WNT8A: variants seen among roughly 807,000 people sequenced by gnomAD.
WNT8A encodes the protein protein Wnt-8a.
In WNT8A, 14 loss-of-function variants were observed where a neutral mutation model predicts 20.5. The ratio of observed to expected loss-of-function variants is 0.68; its 90% CI spans 0.45 to 1.07. The LOEUF (loss-of-function observed/expected upper bound fraction) is 1.07. Among genes scored for constraint, WNT8A ranks in the 50% least tolerant of loss-of-function variants. WNT8A has a pLI of 0.00. For synonymous variants in WNT8A, 167 were observed against 169.2 expected, an observed-to-expected ratio of 0.99 and a Z score of 0.10; for missense variants, 397 against 462.9, an observed-to-expected ratio of 0.86 and a Z score of 1.31.
rs923643984 is a variant in WNT8A, at chr5:138,090,560, A to T, written c.597A>T (p.Lys199Asn). The T allele has an allele frequency of 1.2e-6, 2 of 1,614,136 alleles. No homozygotes were observed. Among genetic ancestry groups the T allele is most frequent in the Non-Finnish European group, 1.7e-6 (2 of 1,180,004 alleles). The change falls in exon 5 of 5, where the codon AAA (lysine) becomes AAT (asparagine). Residue 199 changes from lysine to asparagine, a missense_variant. Transcript: ENST00000506684. ...AVRATMKRTC[K>N]CHGISGSCSI... is the part of the protein sequence containing the mutation. ...GAGCCACCATGAAAAGGACATGCAA[A>T]TGTCATGGCATCTCTGGGAGCTGCA...
intron 4 of WNT8A, among the ~76,000 whole-genome samples, chr5:138,089,664 G>A (rs1392341255): frequency 6.6e-6 from 1 of 152,138 alleles, no homozygotes. Flanking sequence ...GGGGTTTTTG[G>A]GCTTGGGGTT....
chr5:138,084,938 T>A (rs1306581373), intron 2 of WNT8A, among the ~76,000 whole-genome samples: 1 of 152,164 alleles, frequency 6.6e-6, no homozygotes. Flanking sequence ...ATTACTCTTT[T>A]TTTTTTTTCT....
Position 138,089,021 on chromosome 5 carries a change from G to T in WNT8A, c.516G>T (p.Lys172Asn), listed in dbSNP as rs1750762584. 2 of 1,613,842 alleles carry T rather than the reference G, an allele frequency of 1.2e-6. No individual in the cohort carries two copies. The highest frequency in any genetic ancestry group is 1.7e-5 in the Admixed American group (1 of 60,020). Residue 172 changes from lysine to asparagine, a missense_variant, in exon 4 of 5, where the codon AAG (lysine) becomes AAT (asparagine). Transcript: ENST00000506684. Reference sequence around the variant, plus strand: ...TTGTGGACAGTTTGGAGAAGGGGAAGGATGCCAGAGCCCTGATGAATCTTC... The same window carrying T: ...TTGTGGACAGTTTGGAGAAGGGGAATGATGCCAGAGCCCTGATGAATCTTC... ...KLFVDSLEKGKDARALMNLHN... is the reference protein window; with the variant it reads ...KLFVDSLEKGNDARALMNLHN...
At chr5:138,091,705 A>G (rs1317356730), downstream of WNT8A, among the ~76,000 whole-genome samples, 2 of 152,140 alleles carry the variant, frequency 1.3e-5, no homozygotes, top group African/African-American at 2.4e-5. Context: ...ACTTGCCTGT[A>G]GTCCTAGATA....
Position 138,089,022 on chromosome 5 carries a change from G to A in WNT8A, c.517G>A (p.Asp173Asn), listed in dbSNP as rs993286955. 4 of 1,613,826 alleles carry A rather than the reference G, an allele frequency of 2.5e-6. No individual in the cohort carries two copies. Among genetic ancestry groups the A allele is most frequent in the Non-Finnish European group, 3.4e-6 (4 of 1,180,026 alleles). ...TGTGGACAGTTTGGAGAAGGGGAAGGATGCCAGAGCCCTGATGAATCTTCA... is the reference window on the plus strand; with the variant it reads ...TGTGGACAGTTTGGAGAAGGGGAAGAATGCCAGAGCCCTGATGAATCTTCA... ...LFVDSLEKGKDARALMNLHNN... is the reference protein window; with the variant it reads ...LFVDSLEKGKNARALMNLHNN... The change falls in exon 4 of 5, where the codon GAT becomes AAT. Residue 173 changes from aspartate to asparagine, a missense_variant. Asp to Asn is a conservative substitution (Grantham distance 23). Transcript: ENST00000506684.
intron 2 of WNT8A, among the ~76,000 whole-genome samples, chr5:138,085,719 T>C (rs981149176): frequency 6.6e-6 from 1 of 151,776 alleles, no homozygotes; most frequent in Non-Finnish European, 1.5e-5. Flanking sequence ...GCCGGCATGG[T>C]AGCATGTGCC....
In WNT8A at chr5:138,091,059, A is replaced by G. The variant is rs1198385208; in HGVS notation, c.1096A>G (p.Lys366Glu). The change falls in exon 5 of 5, where the codon AAG becomes GAG. Residue 366 changes from lysine (K) to glutamate (E), a missense_variant. By Grantham distance (56) the Lys-to-Glu change is moderately conservative. Transcript: ENST00000506684. Reference sequence around the variant, plus strand: ...CCCAGGCAGTGCCCAGTCCCTGGGTAAGGGCAGTGCCTGATAATACCCCAC... The same window carrying G: ...CCCAGGCAGTGCCCAGTCCCTGGGTGAGGGCAGTGCCTGATAATACCCCAC... ...RSPGSAQSLG[K>E]GSA The G allele has an allele frequency of 6.2e-7, 1 of 1,611,898 alleles. No individual in the cohort carries two copies.
At chr5:138,077,552 T>C in the WNT8A span, among the ~76,000 whole-genome samples, 1 of 152,088 alleles carries the variant, frequency 6.6e-6, no homozygotes, top group East Asian at 1.9e-4. Flanking sequence ...ACTAGTAAAA[T>C]CCTACAACCA....
At chr5:138,077,921 A>T in the WNT8A span, among the ~76,000 whole-genome samples, 1 of 152,268 alleles carries the variant, frequency 6.6e-6, no homozygotes, top group South Asian at 2.1e-4. Flanking sequence ...CATGGCTTTC[A>T]GACTGATCCC....
intron 3 of WNT8A, 52 bp downstream of exon 3, chr5:138,087,983 G>T (rs2151146885): frequency 6.2e-7 from 1 of 1,605,390 alleles, no homozygotes; most frequent in African/African-American, 1.3e-5. Context: ...CTACAGAGCT[G>T]AGTGCAGACT....
rs1423674655 is a variant in WNT8A, at chr5:138,087,863, T to C, written c.353T>C (p.Ile118Thr). The C allele has an allele frequency of 2.5e-6, 4 of 1,614,036 alleles. No homozygotes were observed. Among genetic ancestry groups the C allele is most frequent in the Non-Finnish European group, 3.4e-6 (4 of 1,179,966 alleles). Reference sequence around the variant, plus strand: ...AGCTCTGCTGGAGTCATGTACATCATCACCAAGAACTGTAGCATGGGTGAC... The same window carrying C: ...AGCTCTGCTGGAGTCATGTACATCACCACCAAGAACTGTAGCATGGGTGAC... Reference protein sequence around the residue: ...AISSAGVMYIITKNCSMGDFE... With the variant: ...AISSAGVMYITTKNCSMGDFE... Residue 118 changes from isoleucine to threonine, a missense_variant, in exon 3 of 5, where the codon ATC becomes ACC. Ile to Thr is a moderately conservative substitution (Grantham distance 89). Transcript: ENST00000506684.
chr5:138,089,215 C>A, intron 4 of WNT8A, 146 bp downstream of exon 4: 1 of 1,261,112 alleles, frequency 7.9e-7, no homozygotes, highest in Non-Finnish European at 1.1e-6. Flanking sequence ...ATGACAAAAC[C>A]AATTAAATCT....
chr5:138,079,865 T>C (rs2151141944), upstream of WNT8A, among the ~76,000 whole-genome samples: 1 of 152,346 alleles, frequency 6.6e-6, no homozygotes, highest in South Asian at 2.1e-4. Context: ...TGCCTCTCAC[T>C]ATTCTCTCCA....
upstream of WNT8A, among the ~76,000 whole-genome samples, chr5:138,080,264 T>C (rs1273085820): frequency 1.3e-5 from 2 of 148,360 alleles, no homozygotes; most frequent in Non-Finnish European, 3.0e-5. Context: ...GCAGAGGTTG[T>C]GGTGAGCTGA....
Position 138,087,909 on chromosome 5 carries a change from TG to T in WNT8A, c.402del (p.Ser135GlnfsTer43). ...GTGACTTCGAAAACTGTGGCTGTGA[TG>T]GGTCAAACAATGGAAAAACAGGTAA... is the stretch of plus-strand genomic sequence containing the variant. ...MGDFENCGCD[G>X]SNNGKTGGHG... is the part of the protein sequence containing the mutation. On this transcript the variant is annotated frameshift_variant, in exon 3 of 5. Transcript: ENST00000506684. LOFTEE classifies it high-confidence loss of function. 1 of 1,613,882 alleles carries T rather than the reference TG, an allele frequency of 6.2e-7. No individual in the cohort carries two copies. Among genetic ancestry groups the T allele is most frequent in the Non-Finnish European group, 8.5e-7 (1 of 1,179,876 alleles).
In WNT8A at chr5:138,084,034, T is replaced by C. The variant is rs1245465781; in HGVS notation, c.-94T>C. 1 of 1,550,718 alleles carries C rather than the reference T, an allele frequency of 6.4e-7. No homozygotes were observed. The highest frequency in any genetic ancestry group is 2.3e-5 in the East Asian group (1 of 44,218). On this transcript the variant is annotated 5_prime_UTR_variant, in exon 1 of 5. Coordinates refer to ENST00000506684, the MANE Select transcript of WNT8A (RefSeq NM_001300939.2). ...TACTGAGGAAGACCCTGCCCTCTCC[T>C]CACTTCTCTGGACTTGGCCCTGAGC...
chr5:138,084,256 G>A lies in WNT8A; in HGVS notation c.129G>A (p.Val43=). Residue 43 remains valine, a synonymous_variant, in exon 1 of 5, where the codon GTG becomes GTA. Transcript: ENST00000506684. ...CLTFSLFGRS[V]NNFLITGPKA... ...CTTTTTCTCTTTTTGGTAGGTCAGT[G>A]AACAATTTCCTGATAACAGGTCCCA... 1.9e-6 allele frequency: 3 copies of A among 1,614,126 alleles called. No homozygotes were observed. Among genetic ancestry groups the A allele is most frequent in the Non-Finnish European group, 2.5e-6 (3 of 1,180,030 alleles).
chr5:138,084,433 C>T lies in WNT8A; in HGVS notation c.157-65C>T, dbSNP rs886836996. On this transcript the variant is annotated intron_variant, in intron 1 of 4. Coordinates refer to ENST00000506684, the MANE Select transcript of WNT8A (RefSeq NM_001300939.2). Reference sequence around the variant, plus strand: ...GGAGAGCTGGCCCATCTGAGTCCTGCCTGCTCCCCCAACCACAGATGACCC... The same window carrying T: ...GGAGAGCTGGCCCATCTGAGTCCTGTCTGCTCCCCCAACCACAGATGACCC... The T allele has an allele frequency of 7.1e-6, 11 of 1,553,026 alleles. No individual in the cohort carries two copies. In the African/African-American group the frequency reaches 1.4e-4, roughly 19 times the overall value.
At chr5:138,084,799 C>T (rs1750607685) in intron 2 of WNT8A, among the ~76,000 whole-genome samples, 163 bp downstream of exon 2, 1 of 152,188 alleles carries the variant, frequency 6.6e-6, no homozygotes, top group African/African-American at 2.4e-5. Flanking sequence ...AGTAAATTAC[C>T]TACCCTCTCT....
Sources: allele counts gnomAD v4.1 joint callset (sites outside exome capture counted in the v4.1 genomes callset), GRCh38; gene constraint gnomAD v4.1.1; transcripts MANE v1.5; gene names NCBI Gene and HGNC (gene_info 2026-07-23, HGNC 2026-07-21).